The following TENM1 variants were observed in gnomAD, a reference collection of about 807,000 sequenced individuals.
TENM1 encodes teneurin-1.
In TENM1, 35 loss-of-function variants were observed where a neutral mutation model predicts 174.8. The observed-to-expected ratio is 0.20, with a 90% CI of 0.15 to 0.27. The LOEUF (loss-of-function observed/expected upper bound fraction) is 0.27. Ranked by LOEUF, TENM1 falls within the 10% of genes least tolerant of loss-of-function variation. TENM1 has a pLI of 1.00. For missense variants in TENM1, 1,633 were observed against 2,130.1 expected (o/e 0.77, Z 4.59); for synonymous variants, 781 against 798.7 (o/e 0.98, Z 0.37).
intron 1 of TENM1, among the ~76,000 whole-genome samples, chrX:124,938,853 G>C (rs1353952841): frequency 9.0e-6 from 1 of 111,494 alleles, no homozygotes; most frequent in African/African-American, 3.3e-5. Flanking sequence ...GAAGTTGTAT[G>C]CACAATAAAT....
chrX:124,577,046 G>A (rs781221231), intron 11 of TENM1, among the ~76,000 whole-genome samples: 10 of 111,931 alleles, frequency 8.9e-5, no homozygotes, highest in Non-Finnish European at 1.5e-4. Flanking sequence ...AACACTTCAC[G>A]AAGACTAAAA....
intron 1 of TENM1, among the ~76,000 whole-genome samples, chrX:124,956,259 G>A (rs1435627439): frequency 8.9e-6 from 1 of 111,885 alleles, no homozygotes; most frequent in Non-Finnish European, 1.9e-5. Flanking sequence ...CTTCCCAACT[G>A]TACTATGAAT....
intron 14 of TENM1, among the ~76,000 whole-genome samples, chrX:124,548,405 T>C (rs1385430379): frequency 1.8e-5 from 2 of 111,083 alleles, no homozygotes; most frequent in Non-Finnish European, 3.8e-5. Context: ...TTTCAAGAGC[T>C]CTGGGCTTAG....
chrX:125,136,774 T>C, the TENM1 span, among the ~76,000 whole-genome samples: 1 of 111,834 alleles, frequency 8.9e-6, no homozygotes, highest in African/African-American at 3.2e-5. Flanking sequence ...CAATACAGTA[T>C]AACAATTATT....
At chrX:124,442,959 T>TA (rs1350284499) in intron 23 of TENM1, among the ~76,000 whole-genome samples, 1 of 108,606 alleles carries the variant, frequency 9.2e-6, no homozygotes, top group Non-Finnish European at 1.9e-5. Context: ...CCACCATGCC[T>TA]AGCCCTCTTC....
rs781605385 is a variant in TENM1 at position 124,777,281 on chromosome X, T to A, written c.536-40084A>T. ...GAGATCAGTGTTAGTATTCCTTTTT[T>A]GAAAAAAACGCCACTTAGTAATCCT... On this transcript the variant is annotated intron_variant, in intron 3 of 31. Coordinates refer to ENST00000422452, the Ensembl canonical transcript of TENM1. Among the ~76,000 whole-genome samples, 2 of 111,854 alleles carry A rather than the reference T, an allele frequency of 1.8e-5. 1 individual carries two copies. Among genetic ancestry groups the A allele is most frequent in the Admixed American group, 1.9e-4 (2 of 10,506 alleles).
chrX:124,892,671 CA>C lies in TENM1; in HGVS notation c.535+1624del, dbSNP rs200306998. On this transcript the variant is annotated intron_variant, in intron 3 of 31. Transcript: ENST00000422452. Reference sequence around the variant, plus strand: ...TCTTCACTTTTTCTAACATTCAGAGCAAGTGAGGCTCAAATGTTCCTAAGCT... The same window carrying C: ...TCTTCACTTTTTCTAACATTCAGAGCAGTGAGGCTCAAATGTTCCTAAGCT... Among the ~76,000 whole-genome samples the C allele has an allele frequency of 9.0e-3, 1,007 of 111,635 alleles. 9 individuals carry two copies. Among genetic ancestry groups the C allele is most frequent in the African/African-American group, 0.031 (965 of 30,736 alleles).
the TENM1 span, among the ~76,000 whole-genome samples, chrX:125,141,504 T>C: frequency 9.0e-6 from 1 of 111,712 alleles, no homozygotes; most frequent in Non-Finnish European, 1.9e-5. Flanking sequence ...CTCACTTTAC[T>C]ATCTTAACTG....
intron 3 of TENM1, among the ~76,000 whole-genome samples, chrX:124,827,764 T>C (rs1366247042): frequency 8.9e-6 from 1 of 112,082 alleles, no homozygotes; most frequent in Non-Finnish European, 1.9e-5. Context: ...AAGAGCATAG[T>C]TATAATGCCA....
At chrX:124,681,891 C>T (rs1422160288) in intron 5 of TENM1, among the ~76,000 whole-genome samples, 1 of 111,597 alleles carries the variant, frequency 9.0e-6, no homozygotes, top group African/African-American at 3.3e-5. Context: ...TTTAATTGAT[C>T]CCTTTACAAA....
intron 5 of TENM1, among the ~76,000 whole-genome samples, chrX:124,704,562 A>G (rs969191901): frequency 8.9e-6 from 1 of 112,072 alleles, no homozygotes; most frequent in African/African-American, 3.2e-5. Flanking sequence ...CAGTGTAAAA[A>G]TCTGAATTCT....
At chrX:125,158,542 C>G in the TENM1 span, among the ~76,000 whole-genome samples, 1 of 109,940 alleles carries the variant, frequency 9.1e-6, no homozygotes, top group Non-Finnish European at 1.9e-5. Flanking sequence ...TGATATCAAT[C>G]AGAAAAATTT....
chrX:124,542,745 T>C (rs1350476365), intron 15 of TENM1, among the ~76,000 whole-genome samples: 2 of 111,181 alleles, frequency 1.8e-5, no homozygotes, highest in Non-Finnish European at 3.8e-5. Context: ...TAGGTTAAGA[T>C]CCACTGGCCT....
At chrX:124,770,475 A>G (rs1448013375) in intron 3 of TENM1, among the ~76,000 whole-genome samples, 1 of 111,623 alleles carries the variant, frequency 9.0e-6, no homozygotes, top group African/African-American at 3.3e-5. Flanking sequence ...GTGCAACCTC[A>G]GCTCACTGCA....
intron 22 of TENM1, among the ~76,000 whole-genome samples, chrX:124,454,486 CT>C (rs2061082115): frequency 9.0e-6 from 1 of 110,883 alleles, no homozygotes; most frequent in African/African-American, 3.3e-5. Context: ...TCACTGCAAC[CT>C]CCGCCTCCTG....
chrX:124,581,880 TA>T (rs2049323588), intron 11 of TENM1, among the ~76,000 whole-genome samples: 1 of 111,787 alleles, frequency 8.9e-6, no homozygotes, highest in Non-Finnish European at 1.9e-5. Flanking sequence ...CCCTTTTTTT[TA>T]AAAAGCATTA....
chrX:125,108,109 A>G, the TENM1 span, among the ~76,000 whole-genome samples: 2 of 112,085 alleles, frequency 1.8e-5, no homozygotes, highest in South Asian at 7.5e-4. Context: ...CTCGCAAATT[A>G]GAAACCTTAG....
At chrX:124,985,153 A>G in the TENM1 span, among the ~76,000 whole-genome samples, 4 of 112,246 alleles carry the variant, frequency 3.6e-5, no homozygotes, top group Admixed American at 1.9e-4. Context: ...CAATACTCTA[A>G]TAATTATTGC....
chrX:124,587,663 A>G (rs1275798733), intron 11 of TENM1, among the ~76,000 whole-genome samples: 1,557 of 109,854 alleles, frequency 0.014, 44 homozygotes, highest in African/African-American at 0.05. Flanking sequence ...CAAAAGCAAT[A>G]GCAACAAAAG....
Sources: allele counts gnomAD v4.1 joint callset (sites outside exome capture counted in the v4.1 genomes callset), GRCh38; gene constraint gnomAD v4.1.1; transcripts MANE v1.5; gene names NCBI Gene and HGNC (gene_info 2026-07-23, HGNC 2026-07-21).